HIVEP2: variants seen among roughly 807,000 people sequenced by gnomAD.
HIVEP2 encodes the protein HIVEP zinc finger 2.
HIVEP2 carries 14 observed loss-of-function variants against 180.7 expected under a neutral mutation model. The ratio of observed to expected loss-of-function variants is 0.08; its 90% CI spans 0.05 to 0.12. The LOEUF (loss-of-function observed/expected upper bound fraction) is 0.12, where lower values mean the gene tolerates loss of function less well. HIVEP2 is among the 10% of genes least tolerant of loss of function. The probability of loss-of-function intolerance (pLI) is 1.00; values close to 1 mark genes in which losing one functional copy is unlikely to be tolerated. For missense variants in HIVEP2, 2,579 were observed against 3,008.5 expected (o/e 0.86, Z 3.34); for synonymous variants, 1,184 against 1,136.4 (o/e 1.04, Z -0.84).
At chr6:142,786,014 AATGGCCTCTAC>A (rs576990733) in intron 2 of HIVEP2, among the ~76,000 whole-genome samples, 38 of 152,366 alleles carry the variant, frequency 2.5e-4, no homozygotes, top group African/African-American at 9.1e-4. Context: ...TGAAATCAGT[AATGGCCTCTAC>A]ATGGGACTTG....
intron 2 of HIVEP2, among the ~76,000 whole-genome samples, chr6:142,834,071 A>T (rs1490461393): frequency 6.6e-6 from 1 of 152,216 alleles, no homozygotes; most frequent in Non-Finnish European, 1.5e-5. Flanking sequence ...ACACCCGGAG[A>T]TAACAGATAG....
At chr6:142,883,398 T>C (rs1185889677) in intron 1 of HIVEP2, among the ~76,000 whole-genome samples, 1 of 152,056 alleles carries the variant, frequency 6.6e-6, no homozygotes, top group African/African-American at 2.4e-5. Flanking sequence ...ATTCAAATAG[T>C]TCTTATATGG....
intron 1 of HIVEP2, among the ~76,000 whole-genome samples, chr6:142,906,425 C>T (rs1015092925): frequency 4.0e-5 from 6 of 151,722 alleles, no homozygotes; most frequent in South Asian, 2.1e-4. Flanking sequence ...AAAAGATATG[C>T]CAAGTCAATC....
At chr6:142,938,648 G>A (rs1336276516) in intron 1 of HIVEP2, among the ~76,000 whole-genome samples, 5 of 152,154 alleles carry the variant, frequency 3.3e-5, no homozygotes, top group Admixed American at 2.0e-4. Context: ...ACATATGCAC[G>A]CTGTCAGATC....
At chr6:142,833,253 G>A (rs2081593728) in intron 2 of HIVEP2, among the ~76,000 whole-genome samples, 1 of 152,162 alleles carries the variant, frequency 6.6e-6, no homozygotes, top group Admixed American at 6.5e-5. Context: ...AATAGCTATT[G>A]CCTCAAATGA....
intron 1 of HIVEP2, among the ~76,000 whole-genome samples, chr6:142,913,096 C>T (rs963317303): frequency 2.0e-5 from 3 of 152,170 alleles, no homozygotes; most frequent in Admixed American, 6.5e-5. Context: ...TGGCCCCTTA[C>T]CACAGCAGGG....
intron 1 of HIVEP2, among the ~76,000 whole-genome samples, chr6:142,858,945 C>G (rs1246901617): frequency 6.6e-6 from 1 of 152,154 alleles, no homozygotes; most frequent in Non-Finnish European, 1.5e-5. Context: ...ATTTACTATA[C>G]TGCAGTTTGT....
At chr6:142,913,618 C>T (rs77600945) in intron 1 of HIVEP2, among the ~76,000 whole-genome samples, 5 of 152,240 alleles carry the variant, frequency 3.3e-5, no homozygotes, top group African/African-American at 9.6e-5. Flanking sequence ...AGGTAAAACA[C>T]GGGAAATGAA....
chr6:142,760,007 G>A lies in HIVEP2; in HGVS notation c.6281C>T (p.Ala2094Val), dbSNP rs752455243. The change falls in exon 9 of 10, where the codon GCT becomes GTT. Residue 2094 changes from alanine to valine, a missense_variant. Ala to Val is a moderately conservative substitution (Grantham distance 64). This residue lies in a region of HIVEP2 where 660 missense variants were observed against 731.7 expected (regional missense o/e 0.90). Coordinates refer to ENST00000367603, the MANE Select transcript of HIVEP2 (RefSeq NM_006734.4). ...TTGGGACATCTCTCTTCTCAATGCA[G>A]CTTCCTTTCTTGGTGAAAGATGTCT... ...PMRHLSPRKEAALRREMSQRD... is the reference protein window; with the variant it reads ...PMRHLSPRKEVALRREMSQRD... 2 of 1,614,014 alleles carry A rather than the reference G, an allele frequency of 1.2e-6. No homozygotes were observed. Among genetic ancestry groups the A allele is most frequent in the East Asian group, 4.5e-5 (2 of 44,872 alleles).
intron 1 of HIVEP2, among the ~76,000 whole-genome samples, chr6:142,883,470 T>C (rs1442468631): frequency 3.9e-5 from 6 of 152,090 alleles, no homozygotes; most frequent in Non-Finnish European, 5.9e-5. Flanking sequence ...CTATAATCTT[T>C]TGTGAAATAT....
chr6:142,820,990 ATAAATT>A (rs1562250575), intron 2 of HIVEP2, among the ~76,000 whole-genome samples: 1 of 152,208 alleles, frequency 6.6e-6, no homozygotes, highest in African/African-American at 2.4e-5. Flanking sequence ...GAATTCAGAT[ATAAATT>A]TTCAAAGGTG....
Position 142,938,270 on chromosome 6 carries a change from C to T in HIVEP2, c.-641+6829G>A, listed in dbSNP as rs551396563. 9.2e-5 allele frequency among the ~76,000 whole-genome samples: 14 copies of T among 152,268 alleles called. No individual in the cohort carries two copies. In the South Asian group the frequency reaches 1.9e-3, roughly 20 times the overall value. On this transcript the variant is annotated intron_variant, in intron 1 of 9. Coordinates refer to ENST00000367603, the MANE Select transcript of HIVEP2 (RefSeq NM_006734.4). ...GCTTCACATTACACAGGCATGGCAACGCATGTAATTTTCTAACAATTAAGC... is the reference window on the plus strand; with the variant it reads ...GCTTCACATTACACAGGCATGGCAATGCATGTAATTTTCTAACAATTAAGC...
At chr6:142,862,473 TTATAATA>T (rs1453459061) in intron 1 of HIVEP2, among the ~76,000 whole-genome samples, 38 of 138,062 alleles carry the variant, frequency 2.8e-4, no homozygotes, top group Admixed American at 1.4e-3. Context: ...ATCATATATT[TTATAATA>T]CATATAATCG....
Position 142,861,343 on chromosome 6 carries a change from G to T in HIVEP2, c.-640-24296C>A, listed in dbSNP as rs566120134. On this transcript the variant is annotated intron_variant, in intron 1 of 9. Transcript: ENST00000367603. ...AAATTTACTAATAATGAGAAGTTTT[G>T]ACATAGGTACTAATGGCTTGAGATG... Among the ~76,000 whole-genome samples the T allele has an allele frequency of 4.6e-5, 7 of 152,286 alleles. No individual in the cohort carries two copies. In the East Asian group the frequency reaches 1.2e-3, roughly 25 times the overall value.
intron 2 of HIVEP2, among the ~76,000 whole-genome samples, chr6:142,805,224 G>A (rs1562241998): frequency 1.3e-5 from 2 of 152,060 alleles, no homozygotes; most frequent in African/African-American, 4.8e-5. Context: ...GAGCCAGGAG[G>A]GCCTGGTATG....
chr6:142,794,674 G>A (rs1200522410), intron 2 of HIVEP2, among the ~76,000 whole-genome samples: 1 of 152,188 alleles, frequency 6.6e-6, no homozygotes, highest in African/African-American at 2.4e-5. Flanking sequence ...CAAGGCAAAT[G>A]CATCTGACAT....
At chr6:142,930,601 C>A (rs1289461412) in intron 1 of HIVEP2, among the ~76,000 whole-genome samples, 1 of 152,156 alleles carries the variant, frequency 6.6e-6, no homozygotes, top group African/African-American at 2.4e-5. Context: ...TGTATCATCA[C>A]CTCGTACCTT....
intron 3 of HIVEP2, among the ~76,000 whole-genome samples, chr6:142,778,908 G>A (rs1322833453): frequency 6.6e-6 from 1 of 151,976 alleles, no homozygotes; most frequent in Non-Finnish European, 1.5e-5. Flanking sequence ...ATGGTTCTGA[G>A]AGAATATAAA....
Position 142,762,479 on chromosome 6 carries a change from CACACACACACACACAT to C in HIVEP2, c.5519-930_5519-915del, listed in dbSNP as rs773331938. Among the ~76,000 whole-genome samples, 427 of 94,576 alleles carry C rather than the reference CACACACACACACACAT, an allele frequency of 4.5e-3. 3 individuals are homozygous for C. Among genetic ancestry groups the C allele is most frequent in the African/African-American group, 0.016 (386 of 24,902 alleles). 62.0% of individuals were successfully genotyped at this position (94,576 alleles called of 152,430 possible). ...ACACACACACACACACACACACACA[CACACACACACACACAT>C]ACATATAAATTATATGCCATATAAC... On this transcript the variant is annotated intron_variant, in intron 7 of 9. Coordinates refer to ENST00000367603, the MANE Select transcript of HIVEP2 (RefSeq NM_006734.4).
Sources: gnomAD v4.1 joint callset for allele counts (sites outside exome capture counted in the v4.1 genomes callset) on GRCh38, gnomAD v4.1.1 for gene constraint, gnomAD v4.1.1 regional missense constraint, MANE v1.5 for transcripts, NCBI Gene and HGNC (gene_info 2026-07-23, HGNC 2026-07-21) for gene names.